Variants in EPN2 observed in about 807,000 individuals in gnomAD.
EPN2 encodes epsin-2.
Under a neutral mutation model 61.7 loss-of-function variants are expected in EPN2, and 34 were observed. The observed-to-expected ratio is 0.55, with a 90% confidence interval of 0.42 to 0.73. The LOEUF (loss-of-function observed/expected upper bound fraction) is 0.73, where lower values mean the gene tolerates loss of function less well. Among genes scored for constraint, EPN2 ranks in the 30% least tolerant of loss-of-function variants. EPN2 has a pLI of 0.00. For synonymous variants in EPN2, 349 were observed against 353.6 expected (o/e 0.99, Z 0.15); for missense variants, 714 against 839.2 (o/e 0.85, Z 1.84).
At chr17:19,251,698 T>C (rs1333808360) in intron 1 of EPN2, among the ~76,000 whole-genome samples, 1 of 152,120 alleles carries the variant, frequency 6.6e-6, no homozygotes, top group East Asian at 1.9e-4. Flanking sequence ...CTTCCCAAAG[T>C]GTTGGGATTA....
At chr17:19,296,598 GTATT>G (rs1182385073) in intron 4 of EPN2, 18 of 152,048 alleles carry the variant, frequency 1.2e-4, no homozygotes, top group African/African-American at 4.3e-4. Flanking sequence ...ACATGTTGGT[GTATT>G]TATTTTTATT....
At chr17:19,300,344 TA>T (rs1316970116) in intron 4 of EPN2, among the ~76,000 whole-genome samples, 1 of 151,890 alleles carries the variant, frequency 6.6e-6, no homozygotes, top group Non-Finnish European at 1.5e-5. Context: ...ATATTTGAAG[TA>T]TGATAACATT....
intron 4 of EPN2, among the ~76,000 whole-genome samples, chr17:19,309,638 C>T (rs909622133): frequency 6.6e-6 from 1 of 152,200 alleles, no homozygotes; most frequent in Admixed American, 6.5e-5. Flanking sequence ...GGCTTGCATA[C>T]CCAAAGGCAT....
At chr17:19,263,548 AT>A (rs2045166093) in intron 1 of EPN2, among the ~76,000 whole-genome samples, 1 of 152,194 alleles carries the variant, frequency 6.6e-6, no homozygotes, top group Non-Finnish European at 1.5e-5. Flanking sequence ...GAGGTTTAGG[AT>A]TGAGCACTTC....
intron 4 of EPN2, among the ~76,000 whole-genome samples, chr17:19,295,362 A>G (rs62065867): frequency 0.12 from 8,466 of 70,634 alleles, 301 homozygotes; most frequent in Middle Eastern, 0.17. Context: ...ACACACACAC[A>G]CACACGCGCG....
intron 1 of EPN2, among the ~76,000 whole-genome samples, chr17:19,279,054 C>T (rs1438936432): frequency 1.3e-5 from 2 of 152,094 alleles, no homozygotes; most frequent in Non-Finnish European, 2.9e-5. Context: ...TTACTATAAC[C>T]AGTATTTTAT....
At chr17:19,310,608 C>T (rs755603029) in intron 5 of EPN2, among the ~76,000 whole-genome samples, 103 of 99,108 alleles carry the variant, frequency 1.0e-3, no homozygotes, top group Non-Finnish European at 1.6e-3. Context: ...ATCAGAGTCT[C>T]ACTCTGTCAC....
At chr17:19,312,196 C>G in intron 6 of EPN2, 52 bp downstream of exon 6, 1 of 1,308,264 alleles carries the variant, frequency 7.6e-7, no homozygotes, top group African/African-American at 1.4e-5. Context: ...TAGTTGTTGC[C>G]TCAATATCCC....
chr17:19,269,279 A>G (rs564518452), intron 1 of EPN2, among the ~76,000 whole-genome samples: 1 of 152,332 alleles, frequency 6.6e-6, no homozygotes, highest in Non-Finnish European at 1.5e-5. Context: ...CAGTAAATAA[A>G]ACACTGGGAA....
intron 1 of EPN2, among the ~76,000 whole-genome samples, chr17:19,238,468 G>C (rs568672441): frequency 6.6e-6 from 1 of 152,300 alleles, no homozygotes; most frequent in Admixed American, 6.5e-5. Flanking sequence ...GTGGAAGGCC[G>C]TTTCTCCGCC....
At chr17:19,271,986 C>T (rs2045259118) in intron 1 of EPN2, among the ~76,000 whole-genome samples, 1 of 152,250 alleles carries the variant, frequency 6.6e-6, no homozygotes, top group African/African-American at 2.4e-5. Flanking sequence ...CCACATCCAC[C>T]AGCCAGGTCT....
chr17:19,252,069 G>A (rs931985190), intron 1 of EPN2, among the ~76,000 whole-genome samples: 3 of 152,130 alleles, frequency 2.0e-5, no homozygotes, highest in South Asian at 4.1e-4. Flanking sequence ...GTGGTATCAT[G>A]TTGCTGCTGC....
intron 4 of EPN2, among the ~76,000 whole-genome samples, chr17:19,288,786 T>C (rs1199332354): frequency 6.6e-6 from 1 of 152,238 alleles, no homozygotes; most frequent in Non-Finnish European, 1.5e-5. Context: ...GTTGTGCCGA[T>C]GTCATTGCTA....
intron 4 of EPN2, among the ~76,000 whole-genome samples, chr17:19,300,631 T>G (rs1457783065): frequency 2.0e-5 from 3 of 152,098 alleles, no homozygotes; most frequent in African/African-American, 7.2e-5. Context: ...TTTCTCCATG[T>G]TGGTCAGGCT....
At chr17:19,254,917 A>G (rs894371905) in intron 1 of EPN2, among the ~76,000 whole-genome samples, 4 of 152,098 alleles carry the variant, frequency 2.6e-5, no homozygotes, top group Admixed American at 1.3e-4. Context: ...TTACGTTTGC[A>G]TTGTTGTGAT....
chr17:19,294,527 TG>T (rs2045496252), intron 4 of EPN2, among the ~76,000 whole-genome samples: 1 of 152,234 alleles, frequency 6.6e-6, no homozygotes, highest in South Asian at 2.1e-4. Flanking sequence ...AAGGATCCTT[TG>T]TAGTATAGGT....
chr17:19,301,530 C>G (rs1236141722), intron 4 of EPN2, among the ~76,000 whole-genome samples: 1 of 152,204 alleles, frequency 6.6e-6, no homozygotes, highest in African/African-American at 2.4e-5. Context: ...TTCATAGCTA[C>G]TTTTCTGGCC....
chr17:19,297,450 G>A (rs1334487494), intron 4 of EPN2: 2 of 152,208 alleles, frequency 1.3e-5, no homozygotes, highest in African/African-American at 2.4e-5. Context: ...CAAAAAGTTG[G>A]TTCATGTGCT....
intron 1 of EPN2, among the ~76,000 whole-genome samples, chr17:19,259,164 C>T (rs991811107): frequency 6.6e-6 from 1 of 152,186 alleles, no homozygotes; most frequent in Non-Finnish European, 1.5e-5. Flanking sequence ...GAAAACCGCC[C>T]TATAAGGCTT....
Sources: allele counts gnomAD v4.1 joint callset (sites outside exome capture counted in the v4.1 genomes callset), GRCh38; gene constraint gnomAD v4.1.1; transcripts MANE v1.5; gene names NCBI Gene and HGNC (gene_info 2026-07-23, HGNC 2026-07-21).